The following AP3S1 variants were observed in gnomAD, a reference collection of about 807,000 sequenced individuals.
AP3S1 encodes AP-3 complex subunit sigma-1.
In AP3S1, 12 loss-of-function variants were observed where a neutral mutation model predicts 21.3. That is an observed-to-expected ratio of 0.56 (90% CI 0.36 to 0.91). AP3S1 has a LOEUF of 0.91. Among genes scored for constraint, AP3S1 ranks in the 40% least tolerant of loss-of-function variants. The pLI is 0.01. For missense variants in AP3S1, 116 were observed against 225.0 expected, an observed-to-expected ratio of 0.52 and a Z score of 3.10; for synonymous variants, 48 against 78.4, an observed-to-expected ratio of 0.61 and a Z score of 2.05.
chr5:115,855,037 A>ATCTT (rs1561476432), intron 1 of AP3S1, among the ~76,000 whole-genome samples: 1 of 151,328 alleles, frequency 6.6e-6, no homozygotes, highest in African/African-American at 2.4e-5. Context: ...CTATCTATCT[A>ATCTT]TCTATCTATC....
intron 1 of AP3S1, among the ~76,000 whole-genome samples, chr5:115,861,119 T>C (rs1763146402): frequency 6.6e-6 from 1 of 152,158 alleles, no homozygotes; most frequent in Admixed American, 6.5e-5. Context: ...ATGATAGGAA[T>C]AGAAACAATA....
At chr5:115,842,257 G>C in intron 1 of AP3S1, 151 bp downstream of exon 1, 1 of 1,271,536 alleles carries the variant, frequency 7.9e-7, no homozygotes, top group Non-Finnish European at 1.0e-6. Flanking sequence ...CAGCCTCCTG[G>C]TGGGTGTGGA....
chr5:115,861,865 C>A (rs13179578), intron 1 of AP3S1, among the ~76,000 whole-genome samples: 1 of 110,620 alleles, frequency 9.0e-6, no homozygotes. Flanking sequence ...CTTTTCTTTT[C>A]TTTTTTTTTT....
chr5:115,864,735 A>G (rs544604825), intron 1 of AP3S1, among the ~76,000 whole-genome samples: 1 of 152,240 alleles, frequency 6.6e-6, no homozygotes, highest in African/African-American at 2.4e-5. Context: ...GTTTCAAGAT[A>G]AGGGTTTCAG....
chr5:115,880,052 A>G (rs1168968151), intron 3 of AP3S1, among the ~76,000 whole-genome samples: 1 of 152,182 alleles, frequency 6.6e-6, no homozygotes, highest in Non-Finnish European at 1.5e-5. Context: ...CAGTAGTGAT[A>G]TCCCCTGTAT....
chr5:115,862,381 A>G (rs1252378501), intron 1 of AP3S1, among the ~76,000 whole-genome samples: 7 of 152,234 alleles, frequency 4.6e-5, no homozygotes, highest in Non-Finnish European at 7.3e-5. Flanking sequence ...AGTAGATACT[A>G]GTTTATTTTA....
At chr5:115,887,806 A>G (rs913388617) in intron 3 of AP3S1, among the ~76,000 whole-genome samples, 14 of 152,230 alleles carry the variant, frequency 9.2e-5, no homozygotes, top group African/African-American at 3.1e-4. Context: ...AGTACTAACT[A>G]CAAAGCTGTC....
chr5:115,901,136 C>G lies in AP3S1; in HGVS notation c.346-1749C>G, dbSNP rs565610999. ...AACTTAATTTCTCATTCTTTCCTTC[C>G]TCTAACTTTCAATTCTTTATTTTCT... On this transcript the variant is annotated intron_variant, in intron 4 of 5. Transcript: ENST00000316788. Among the ~76,000 whole-genome samples the G allele has an allele frequency of 5.3e-5, 8 of 152,180 alleles. 1 individual carries two copies. The South Asian group carries it at 1.2e-3, about 24-fold the overall frequency.
chr5:115,896,001 A>T (rs938706063), intron 4 of AP3S1, among the ~76,000 whole-genome samples: 1 of 152,034 alleles, frequency 6.6e-6, no homozygotes, highest in Admixed American at 6.6e-5. Context: ...CTATGTGCAG[A>T]TTTTTTTCTG....
intron 1 of AP3S1, among the ~76,000 whole-genome samples, chr5:115,854,149 C>A (rs1436234314): frequency 6.6e-6 from 1 of 152,086 alleles, no homozygotes; most frequent in Non-Finnish European, 1.5e-5. Flanking sequence ...GTAATAATGA[C>A]CTTCATTCAT....
intron 5 of AP3S1, among the ~76,000 whole-genome samples, chr5:115,904,473 C>G (rs1751478486): frequency 6.6e-6 from 1 of 152,134 alleles, no homozygotes; most frequent in African/African-American, 2.4e-5. Flanking sequence ...TTAAAATAGT[C>G]TTGCATTTTT....
chr5:115,913,644 G>C lies in AP3S1; in HGVS notation c.*154G>C, dbSNP rs1350840630. 7.9e-7 allele frequency: 1 copy of C among 1,260,592 alleles called. No homozygotes were observed. Among genetic ancestry groups the C allele is most frequent in the African/African-American group, 1.5e-5 (1 of 65,912 alleles). The allele number at this position is 1,260,592 out of a possible 1,614,324, so 78.1% of individuals were successfully genotyped here. The stretch of plus-strand genomic sequence containing the variant: ...TATAGAAGTTGTGTAAAATCAGTAT[G>C]AAAGTTCAATGTTGCTGTTCTTGCT... On this transcript the variant is annotated 3_prime_UTR_variant, in exon 6 of 6. Coordinates refer to ENST00000316788, the MANE Select transcript of AP3S1 (RefSeq NM_001284.4).
intron 3 of AP3S1, among the ~76,000 whole-genome samples, 177 bp downstream of exon 3, chr5:115,870,305 A>C (rs1176127191): frequency 6.6e-6 from 1 of 152,218 alleles, no homozygotes; most frequent in Non-Finnish European, 1.5e-5. Context: ...ATTTGATCTG[A>C]TTAAAACTAT....
At chr5:115,884,701 A>G (rs1418153111) in intron 3 of AP3S1, among the ~76,000 whole-genome samples, 1 of 152,266 alleles carries the variant, frequency 6.6e-6, no homozygotes, top group Non-Finnish European at 1.5e-5. Flanking sequence ...TTAAATATCA[A>G]CTATACAGAG....
At chr5:115,905,172 A>ACC (rs1751543017) in intron 5 of AP3S1, among the ~76,000 whole-genome samples, 1 of 152,226 alleles carries the variant, frequency 6.6e-6, no homozygotes, top group African/African-American at 2.4e-5. Context: ...TATTGACAAA[A>ACC]GTTATGAAGG....
chr5:115,899,824 C>G (rs555908614), intron 4 of AP3S1, among the ~76,000 whole-genome samples: 2 of 151,692 alleles, frequency 1.3e-5, no homozygotes, highest in African/African-American at 4.8e-5. Context: ...TATACAAGTA[C>G]TTGGAGGATC....
chr5:115,896,095 C>T lies in AP3S1; in HGVS notation c.345+937C>T, dbSNP rs1445551268. Among the ~76,000 whole-genome samples the T allele has an allele frequency of 2.0e-5, 3 of 152,000 alleles. No individual in the cohort carries two copies. The East Asian group carries it at 5.8e-4, about 29-fold the overall frequency. ...TCTGAAAATTTTAGCAAAAAAAATC[C>T]AGTGTGATTTTTAAAAATTGGCTTT... is the stretch of plus-strand genomic sequence containing the variant. On this transcript the variant is annotated intron_variant, in intron 4 of 5. Coordinates refer to ENST00000316788, the MANE Select transcript of AP3S1 (RefSeq NM_001284.4).
chr5:115,900,593 T>G (rs1475078545), intron 4 of AP3S1, among the ~76,000 whole-genome samples: 1 of 152,240 alleles, frequency 6.6e-6, no homozygotes, highest in Non-Finnish European at 1.5e-5. Context: ...CTCATGATTA[T>G]GAAGTTGCTC....
At chr5:115,869,462 T>C (rs753442809) in intron 2 of AP3S1, among the ~76,000 whole-genome samples, 33 of 152,230 alleles carry the variant, frequency 2.2e-4, no homozygotes, top group Admixed American at 3.9e-4. Flanking sequence ...CATTTACTAA[T>C]CTTTTCTTAT....
Sources: gnomAD v4.1 joint callset for allele counts (sites outside exome capture counted in the v4.1 genomes callset) on GRCh38, gnomAD v4.1.1 for gene constraint, MANE v1.5 for transcripts, NCBI Gene and HGNC (gene_info 2026-07-23, HGNC 2026-07-21) for gene names.